FAM117A: variants seen among roughly 807,000 people sequenced by gnomAD.
FAM117A encodes protein FAM117A.
FAM117A carries 21 observed loss-of-function variants against 44.1 expected under a neutral mutation model. That is an observed-to-expected ratio of 0.48 (90% CI 0.34 to 0.69). FAM117A has a LOEUF of 0.69. Among genes scored for constraint, FAM117A ranks in the 30% least tolerant of loss-of-function variants. The probability of loss-of-function intolerance (pLI) is 0.01; values close to 1 mark genes in which losing one functional copy is unlikely to be tolerated. For synonymous variants in FAM117A, 220 were observed against 238.3 expected, an observed-to-expected ratio of 0.92 and a Z score of 0.71; for missense variants, 498 against 589.9, an observed-to-expected ratio of 0.84 and a Z score of 1.61.
At chr17:49,788,667 C>T (rs763868130), upstream of FAM117A, 2 of 649,078 alleles carry the variant, frequency 3.1e-6, no homozygotes, top group Non-Finnish European at 4.9e-6. Flanking sequence ...AGCGCTTCAG[C>T]CCGCGGCGCC....
intron 1 of FAM117A, among the ~76,000 whole-genome samples, chr17:49,761,124 G>A (rs2073721145): frequency 6.6e-6 from 1 of 152,222 alleles, no homozygotes; most frequent in South Asian, 2.1e-4. Context: ...GATAACTGCA[G>A]AGCCCTGAGC....
intron 2 of FAM117A, among the ~76,000 whole-genome samples, chr17:49,729,349 C>T (rs934348759): frequency 6.6e-6 from 1 of 152,012 alleles, no homozygotes; most frequent in African/African-American, 2.4e-5. Context: ...GCAAGTAGGA[C>T]AGTAGTAGTG....
intron 1 of FAM117A, among the ~76,000 whole-genome samples, chr17:49,762,840 C>G (rs1336045574): frequency 6.6e-6 from 1 of 152,204 alleles, no homozygotes; most frequent in African/African-American, 2.4e-5. Context: ...TTTTCCCCTT[C>G]CTAAGTACTT....
intron 7 of FAM117A, among the ~76,000 whole-genome samples, chr17:49,715,535 T>C (rs570419716): frequency 1.3e-5 from 2 of 152,302 alleles, no homozygotes; most frequent in Non-Finnish European, 2.9e-5. Context: ...TTCTTTCGGC[T>C]AATGGGAGGA....
intron 1 of FAM117A, among the ~76,000 whole-genome samples, chr17:49,776,951 A>G (rs2073777037): frequency 6.6e-6 from 1 of 152,170 alleles, no homozygotes; most frequent in African/African-American, 2.4e-5. Flanking sequence ...CAAAAGAGAA[A>G]AAGACTCACT....
intron 2 of FAM117A, among the ~76,000 whole-genome samples, chr17:49,729,933 C>G (rs1013418345): frequency 6.6e-6 from 1 of 152,170 alleles, no homozygotes; most frequent in African/African-American, 2.4e-5. Flanking sequence ...CTCTCCAGTC[C>G]TTTCTGGGTG....
intron 1 of FAM117A, among the ~76,000 whole-genome samples, chr17:49,743,693 C>A (rs1233853961): frequency 1.3e-5 from 2 of 151,842 alleles, no homozygotes; most frequent in Non-Finnish European, 2.9e-5. Flanking sequence ...CGTGCCACTG[C>A]ACTCCAGCCT....
chr17:49,762,837 C>T (rs1295625216), intron 1 of FAM117A, among the ~76,000 whole-genome samples: 1 of 152,196 alleles, frequency 6.6e-6, no homozygotes, highest in African/African-American at 2.4e-5. Flanking sequence ...TCCTTTTCCC[C>T]TTCCTAAGTA....
At chr17:49,763,833 C>A in intron 1 of FAM117A, 59 bp downstream of exon 1, 1 of 342,086 alleles carries the variant, frequency 2.9e-6, no homozygotes, top group Non-Finnish European at 4.3e-6. Context: ...CTCCCGCGGT[C>A]ACGCGCCCCC....
chr17:49,741,957 A>AC (rs2073636256), intron 1 of FAM117A, among the ~76,000 whole-genome samples: 1 of 152,128 alleles, frequency 6.6e-6, no homozygotes, highest in Admixed American at 6.6e-5. Flanking sequence ...GCCCAAGGAG[A>AC]CCCCATCCAT....
intron 1 of FAM117A, among the ~76,000 whole-genome samples, chr17:49,751,163 C>T (rs1408128713): frequency 6.6e-6 from 1 of 150,924 alleles, no homozygotes; most frequent in African/African-American, 2.4e-5. Context: ...GCCTGTAATC[C>T]CAGCTACTTG....
intron 1 of FAM117A, among the ~76,000 whole-genome samples, chr17:49,762,317 CA>C (rs2073725318): frequency 6.6e-6 from 1 of 152,196 alleles, no homozygotes; most frequent in Non-Finnish European, 1.5e-5. Context: ...ACAAAACCAA[CA>C]GGTTTGTAGT....
At chr17:49,787,947 CA>C (rs1326196910) in intron 1 of FAM117A, among the ~76,000 whole-genome samples, 2 of 152,184 alleles carry the variant, frequency 1.3e-5, no homozygotes, top group African/African-American at 4.8e-5. Flanking sequence ...CTGCATTCCC[CA>C]CTTTCAAATC....
chr17:49,764,918 C>T (rs1325139748), upstream of FAM117A, among the ~76,000 whole-genome samples: 1 of 152,070 alleles, frequency 6.6e-6, no homozygotes, highest in Non-Finnish European at 1.5e-5. Context: ...CCTTCAGAGT[C>T]GTCCACTCCA....
At chr17:49,723,078 G>C (rs1192959263) in intron 2 of FAM117A, among the ~76,000 whole-genome samples, 1 of 152,062 alleles carries the variant, frequency 6.6e-6, no homozygotes, top group African/African-American at 2.4e-5. Context: ...TGGTAAAACA[G>C]GAAAAAATGT....
rs2073613842 is a variant in FAM117A at position 49,737,086 on chromosome 17, T to C, written c.197-4366A>G. ...TCAACACACCCACTTGGAGTAAAGA[T>C]CCCATAGCTGCTTGTCTTTTTTTCT... is the stretch of plus-strand genomic sequence containing the variant. On this transcript the variant is annotated intron_variant, in intron 1 of 7. Coordinates refer to ENST00000240364, the MANE Select transcript of FAM117A (RefSeq NM_030802.4). 1.3e-5 allele frequency among the ~76,000 whole-genome samples: 2 copies of C among 152,214 alleles called. 1 individual carries two copies. The highest frequency in any genetic ancestry group is 4.1e-4 in the South Asian group (2 of 4,836).
At chr17:49,718,620 C>T (rs963215739) in intron 5 of FAM117A, among the ~76,000 whole-genome samples, 2 of 149,880 alleles carry the variant, frequency 1.3e-5, no homozygotes, top group Admixed American at 1.3e-4. Flanking sequence ...ACAGTAAGCC[C>T]AGATCACGCC....
At chr17:49,772,333 T>C (rs1471144897) in intron 1 of FAM117A, among the ~76,000 whole-genome samples, 1 of 150,622 alleles carries the variant, frequency 6.6e-6, no homozygotes, top group Non-Finnish European at 1.5e-5. Flanking sequence ...TCAAGCTGGG[T>C]GCGGTGGCTC....
intron 1 of FAM117A, among the ~76,000 whole-genome samples, chr17:49,739,720 A>G (rs1006000883): frequency 6.6e-6 from 1 of 152,258 alleles, no homozygotes; most frequent in African/African-American, 2.4e-5. Context: ...GGGGAGGGAA[A>G]TACGACAATA....
Sources: allele counts gnomAD v4.1 joint callset (sites outside exome capture counted in the v4.1 genomes callset), GRCh38; gene constraint gnomAD v4.1.1; transcripts MANE v1.5; gene names NCBI Gene and HGNC (gene_info 2026-07-23, HGNC 2026-07-21).